Variants in XYLB observed in about 807,000 individuals in gnomAD.
XYLB encodes xylulose kinase.
In XYLB, 62 loss-of-function variants were observed where a neutral mutation model predicts 78.7. That is an observed-to-expected ratio of 0.79 (90% CI 0.64 to 0.97). XYLB has a LOEUF of 0.97. Ranked by LOEUF, XYLB falls within the 50% of genes least tolerant of loss-of-function variation. The pLI, the probability that XYLB is intolerant of heterozygous loss-of-function variation, is 0.00. For synonymous variants in XYLB, 245 were observed against 247.4 expected (o/e 0.99, Z 0.09); for missense variants, 687 against 676.8 (o/e 1.02, Z -0.17).
At chr3:38,432,080 G>A in the XYLB span, among the ~76,000 whole-genome samples, 33 of 151,864 alleles carry the variant, frequency 2.2e-4, no homozygotes, top group African/African-American at 7.5e-4. Flanking sequence ...TTTGGGTGGC[G>A]TCACAGCCAA....
At chr3:38,359,051 A>G in intron 2 of XYLB, among the ~76,000 whole-genome samples, 1 of 152,262 alleles carries the variant, frequency 6.6e-6, no homozygotes, top group East Asian at 1.9e-4. Flanking sequence ...CAGTGTGGGA[A>G]TCGGCTAAAA....
chr3:38,401,042 T>A (rs759691563), intron 18 of XYLB, 57 bp downstream of exon 18: 3 of 1,514,424 alleles, frequency 2.0e-6, no homozygotes, highest in East Asian at 4.5e-5. Context: ...CCGCTAGGGT[T>A]TTTTCCCCCA....
intron 7 of XYLB, among the ~76,000 whole-genome samples, chr3:38,367,708 A>G (rs766818928): frequency 2.2e-4 from 33 of 152,050 alleles, no homozygotes; most frequent in Admixed American, 4.6e-4. Flanking sequence ...TCCATCATCT[A>G]TTTCTCTGGC....
chr3:38,357,110 C>T (rs749802179), intron 2 of XYLB: 1 of 152,226 alleles, frequency 6.6e-6, no homozygotes, highest in Non-Finnish European at 1.5e-5. Context: ...TAATTGTGGA[C>T]TTCTAGCCTC....
intron 16 of XYLB, 132 bp downstream of exon 16, chr3:38,395,695 A>G: frequency 1.1e-6 from 1 of 917,260 alleles, no homozygotes; most frequent in Non-Finnish European, 1.7e-6. Flanking sequence ...CTCACACTCC[A>G]GGAAGCAGCT....
chr3:38,355,976 T>C, intron 2 of XYLB: 1 of 578,240 alleles, frequency 1.7e-6, no homozygotes, highest in Non-Finnish European at 3.1e-6. Context: ...TGGGGCCAGG[T>C]GTGGTCGCTC....
At chr3:38,366,746 T>A in intron 6 of XYLB, 62 bp from the exon 7 acceptor site, 1 of 1,158,918 alleles carries the variant, frequency 8.6e-7, no homozygotes, top group Non-Finnish European at 1.3e-6. Context: ...ACTCACTTTG[T>A]GGAGGTAATT....
chr3:38,375,280 G>T (rs1358939866), intron 12 of XYLB, 21 bp downstream of exon 12: 2 of 1,607,184 alleles, frequency 1.2e-6, no homozygotes, highest in African/African-American at 2.7e-5. Context: ...GTGTTGGTTG[G>T]CACCATTCCC....
chr3:38,387,091 T>C lies in XYLB; in HGVS notation c.1291+7749T>C, dbSNP rs1282109916. Among the ~76,000 whole-genome samples, 3 of 152,196 alleles carry C rather than the reference T, an allele frequency of 2.0e-5. No homozygotes were observed. The South Asian group carries it at 6.2e-4, about 31-fold the overall frequency. On this transcript the variant is annotated intron_variant, in intron 15 of 18. Transcript: ENST00000207870. ...TCTTTGATTTTCAGCAGTTTGATTA[T>C]GATATACCTAAGTAAGGGTTTTTTA...
chr3:38,347,063 GCGCCC>G, intron 1 of XYLB, 138 bp downstream of exon 1: 1 of 855,846 alleles, frequency 1.2e-6, no homozygotes, highest in Non-Finnish European at 1.6e-6. Context: ...CGGGGCCCCC[GCGCCC>G]CTGCCCTGCG....
chr3:38,353,365 G>A (rs998410693), intron 2 of XYLB, among the ~76,000 whole-genome samples: 1 of 152,100 alleles, frequency 6.6e-6, no homozygotes, highest in Non-Finnish European at 1.5e-5. Flanking sequence ...GGAGTGCAGT[G>A]GTGTGATTCA....
At chr3:38,406,652 G>A (rs1207305886) in intron 18 of XYLB, among the ~76,000 whole-genome samples, 1 of 152,130 alleles carries the variant, frequency 6.6e-6, no homozygotes, top group African/African-American at 2.4e-5. Context: ...TTAGATGAAT[G>A]TATAACTAGA....
chr3:38,426,547 T>C, the XYLB span, among the ~76,000 whole-genome samples: 2 of 152,228 alleles, frequency 1.3e-5, no homozygotes, highest in Non-Finnish European at 2.9e-5. Flanking sequence ...ATTAACCCAT[T>C]AAAATGGATC....
In XYLB at chr3:38,352,790, C is replaced by A. The variant is rs187320552; in HGVS notation, c.140+4158C>A. Among the ~76,000 whole-genome samples, 778 of 151,874 alleles carry A rather than the reference C, an allele frequency of 5.1e-3. 10 individuals are homozygous for A. The highest frequency in any genetic ancestry group is 0.034 in the Admixed American group (519 of 15,266). On this transcript the variant is annotated intron_variant, in intron 2 of 18. Transcript: ENST00000207870. ...TACCACTGTACTCCAGTTTGAGGGA[C>A]AGAGCCATACCTTGTCTAAAAAGTA...
At chr3:38,419,178 A>G (rs946015608), downstream of XYLB, among the ~76,000 whole-genome samples, 1 of 151,972 alleles carries the variant, frequency 6.6e-6, no homozygotes, top group African/African-American at 2.4e-5. Context: ...ACTTCGTGTG[A>G]TATTTTATTA....
At chr3:38,361,462 A>G (rs1402897386) in intron 3 of XYLB, among the ~76,000 whole-genome samples, 1 of 152,162 alleles carries the variant, frequency 6.6e-6, no homozygotes, top group East Asian at 1.9e-4. Context: ...TGTAACCCTG[A>G]TTCATACACT....
chr3:38,370,211 G>T (rs751580658), intron 9 of XYLB, 37 bp downstream of exon 9: 255 of 1,460,944 alleles, frequency 1.7e-4, no homozygotes, highest in Non-Finnish European at 5.7e-6. Flanking sequence ...TCATTTAAGA[G>T]CTGGCAGCTA....
chr3:38,402,238 C>T (rs1461170361), intron 18 of XYLB, among the ~76,000 whole-genome samples: 3 of 152,186 alleles, frequency 2.0e-5, no homozygotes, highest in Non-Finnish European at 4.4e-5. Context: ...CCAAAGGAGA[C>T]ATTATCCTTT....
intron 17 of XYLB, 32 bp downstream of exon 17, chr3:38,397,191 G>A: frequency 6.2e-7 from 1 of 1,607,186 alleles, no homozygotes. Flanking sequence ...GCTATCTCTG[G>A]AAGTGGCCAG....
Sources: allele counts gnomAD v4.1 joint callset (sites outside exome capture counted in the v4.1 genomes callset), GRCh38; gene constraint gnomAD v4.1.1; transcripts MANE v1.5; gene names NCBI Gene and HGNC (gene_info 2026-07-23, HGNC 2026-07-21).